HIVEP3: variants seen among roughly 807,000 people sequenced by gnomAD.
HIVEP3 encodes transcription factor HIVEP3.
HIVEP3 carries 49 observed loss-of-function variants against 152.8 expected under a neutral mutation model. The observed-to-expected ratio is 0.32, with a 90% CI of 0.26 to 0.41. The LOEUF is 0.41. Among genes scored for constraint, HIVEP3 ranks in the 10% least tolerant of loss-of-function variants. The probability of loss-of-function intolerance (pLI) is 1.00; values close to 1 mark genes in which losing one functional copy is unlikely to be tolerated. For missense variants in HIVEP3, 2,790 were observed against 3,103.3 expected, an observed-to-expected ratio of 0.90 and a Z score of 2.40; for synonymous variants, 1,269 against 1,289.0, an observed-to-expected ratio of 0.98 and a Z score of 0.33.
intron 1 of HIVEP3, among the ~76,000 whole-genome samples, chr1:41,845,098 A>G (rs1300087906): frequency 4.6e-5 from 7 of 152,112 alleles, no homozygotes; most frequent in African/African-American, 1.7e-4. Flanking sequence ...CCCATTCTCT[A>G]TGTAGCCTCC....
chr1:41,789,265 G>T (rs1032498310), intron 1 of HIVEP3, among the ~76,000 whole-genome samples: 1 of 152,190 alleles, frequency 6.6e-6, no homozygotes, highest in Non-Finnish European at 1.5e-5. Flanking sequence ...ATGATTGTGG[G>T]CATGTTATGT....
chr1:41,660,186 T>G (rs1446536083), intron 2 of HIVEP3, among the ~76,000 whole-genome samples: 2 of 152,114 alleles, frequency 1.3e-5, no homozygotes, highest in Admixed American at 1.3e-4. Context: ...TGCACACACG[T>G]GTGTATGTGT....
rs528656865 is a variant in HIVEP3, at chr1:41,650,466, C to T, written c.-720-21519G>A. On this transcript the variant is annotated intron_variant, in intron 2 of 8. Coordinates refer to ENST00000372583, the MANE Select transcript of HIVEP3 (RefSeq NM_024503.5). ...GTCAGGCACTGTGTTAAATATTTGT[C>T]AAGTATTATAATCTCATCTAATCAT... is the stretch of plus-strand genomic sequence containing the variant. 2.0e-5 allele frequency among the ~76,000 whole-genome samples: 3 copies of T among 152,136 alleles called. No individual in the cohort carries two copies. In the East Asian group the frequency reaches 5.8e-4, roughly 29 times the overall value.
At chr1:41,983,580 T>C (rs1645306027) in intron 1 of HIVEP3, among the ~76,000 whole-genome samples, 1 of 151,848 alleles carries the variant, frequency 6.6e-6, no homozygotes. Flanking sequence ...CTAATAAAGG[T>C]GCAGCTGGGT....
At chr1:41,920,579 T>G (rs1374135432), upstream of HIVEP3, among the ~76,000 whole-genome samples, 1 of 55,888 alleles carries the variant, frequency 1.8e-5, no homozygotes, top group African/African-American at 1.2e-4. Flanking sequence ...ACAAGATGGT[T>G]TTTTTTTTTT....
At chr1:41,702,479 T>A (rs990022062) in intron 1 of HIVEP3, among the ~76,000 whole-genome samples, 2 of 152,244 alleles carry the variant, frequency 1.3e-5, no homozygotes, top group Admixed American at 6.5e-5. Context: ...TCTGAATTTG[T>A]TTCCCTGTAT....
At chr1:41,605,375 GCACACACA>G (rs57942643) in intron 3 of HIVEP3, among the ~76,000 whole-genome samples, 4 of 126,624 alleles carry the variant, frequency 3.2e-5, no homozygotes, top group South Asian at 2.4e-4. Context: ...ACGCACACGC[GCACACACA>G]CACACACACA....
intron 2 of HIVEP3, among the ~76,000 whole-genome samples, chr1:41,693,813 A>G (rs968233524): frequency 2.0e-5 from 3 of 152,070 alleles, no homozygotes; most frequent in Non-Finnish European, 2.9e-5. Context: ...TGGTGTAGGA[A>G]CTGAGGTAGG....
In HIVEP3 at chr1:41,510,766, G is replaced by A. The variant is rs1407668385; in HGVS notation, c.6906C>T (p.Pro2302=). Residue 2302 remains proline, a synonymous_variant, in exon 9 of 9, where the codon CCC becomes CCT. Coordinates refer to ENST00000372583, the MANE Select transcript of HIVEP3 (RefSeq NM_024503.5). ...TPHGTGAPAE[P]TPTHSPCTPP... is the part of the protein sequence containing the mutation. ...GGGTGCAGGGGCTGTGCGTGGGTGT[G>A]GGCTCTGCAGGTGCCCCGGTCCCAT... The A allele has an allele frequency of 6.3e-7, 1 of 1,599,322 alleles. No individual in the cohort carries two copies. The highest frequency in any genetic ancestry group is 8.5e-7 in the Non-Finnish European group (1 of 1,173,476).
rs753360867 is a variant in HIVEP3 at position 41,583,160 on chromosome 1, G to A, written c.1638C>T (p.Ala546=). Residue 546 remains alanine, a synonymous_variant, in exon 4 of 9, where the codon GCC becomes GCT. Coordinates refer to ENST00000372583, the MANE Select transcript of HIVEP3 (RefSeq NM_024503.5). The surrounding 1 kb of genome is among the most constrained non-coding windows in gnomAD (Gnocchi z 6.9). ...GGTGGGGGGTGCTGATAGTGCAGGCGGCAGAAGGCATTGAGTGGCTTCTCA... is the reference window on the plus strand; with the variant it reads ...GGTGGGGGGTGCTGATAGTGCAGGCAGCAGAAGGCATTGAGTGGCTTCTCA... ...PLLRSHSMPS[A]ACTISTPHHP... is the part of the protein sequence containing the mutation. 17 of 1,612,390 alleles carry A rather than the reference G, an allele frequency of 1.1e-5. No individual in the cohort carries two copies. Among genetic ancestry groups the A allele is most frequent in the Middle Eastern group, 1.6e-4 (1 of 6,080 alleles).
chr1:41,621,746 C>T (rs532988446), intron 3 of HIVEP3, among the ~76,000 whole-genome samples: 3 of 152,146 alleles, frequency 2.0e-5, no homozygotes, highest in Non-Finnish European at 4.4e-5. Flanking sequence ...TCAAACTCTC[C>T]GGCTCAGGTG....
chr1:41,743,450 G>GAATA, intron 1 of HIVEP3, among the ~76,000 whole-genome samples: 1 of 152,336 alleles, frequency 6.6e-6, no homozygotes, highest in Middle Eastern at 3.4e-3. Flanking sequence ...ATGAATGAAT[G>GAATA]TTACATGTTC....
At position 41,581,903 on chromosome 1, in the gene HIVEP3, G is replaced by C; in HGVS notation, c.2895C>G (p.Asp965Glu). 3 of 1,614,066 alleles carry C rather than the reference G, an allele frequency of 1.9e-6. No individual in the cohort carries two copies. Among genetic ancestry groups the C allele is most frequent in the Non-Finnish European group, 2.5e-6 (3 of 1,179,958 alleles). Reference protein sequence around the residue: ...GKAEAPSPSSDMRPKPLGTHM... With the variant: ...GKAEAPSPSSEMRPKPLGTHM... ...GGGTGCCCAGGGGTTTGGGGCGCAT[G>C]TCAGATGAGGGACTGGGGGCCTCGG... The change falls in exon 4 of 9, where the codon GAC becomes GAG. Residue 965 changes from aspartate (D) to glutamate (E), a missense_variant. Physicochemically the swap from Asp to Glu is conservative, Grantham distance 45. Transcript: ENST00000372583. The surrounding 1 kb of genome is among the most constrained non-coding windows in gnomAD (Gnocchi z 4.5).
intron 1 of HIVEP3, among the ~76,000 whole-genome samples, chr1:41,791,166 G>A (rs1261853014): frequency 5.6e-5 from 6 of 106,738 alleles, no homozygotes; most frequent in African/African-American, 1.8e-4. Flanking sequence ...ACACACACAC[G>A]AGTCTACACT....
intron 1 of HIVEP3, among the ~76,000 whole-genome samples, chr1:42,032,683 G>A (rs2124541737): frequency 6.6e-6 from 1 of 151,912 alleles, no homozygotes; most frequent in South Asian, 2.1e-4. Flanking sequence ...ATGTCATCTT[G>A]TTCCTCCTCT....
intron 2 of HIVEP3, among the ~76,000 whole-genome samples, chr1:41,642,545 G>C (rs184003364): frequency 9.2e-5 from 14 of 152,222 alleles, no homozygotes; most frequent in Non-Finnish European, 1.8e-4. Flanking sequence ...TCTCTTTGTC[G>C]TGGTGTTTAC....
intron 1 of HIVEP3, among the ~76,000 whole-genome samples, chr1:41,947,712 C>T (rs187373768): frequency 2.7e-4 from 41 of 152,310 alleles, no homozygotes; most frequent in African/African-American, 9.4e-4. Context: ...TCTAGGAGTC[C>T]TTACACAGGT....
At chr1:41,776,961 A>T (rs984346381) in intron 1 of HIVEP3, among the ~76,000 whole-genome samples, 3 of 152,198 alleles carry the variant, frequency 2.0e-5, no homozygotes, top group Non-Finnish European at 4.4e-5. Flanking sequence ...AGGAGAGGTT[A>T]AGCAACCTGC....
intron 2 of HIVEP3, among the ~76,000 whole-genome samples, chr1:41,638,256 G>GAAAAAGAAAGAAAGAA (rs1553241159): frequency 5.0e-5 from 6 of 120,884 alleles, no homozygotes; most frequent in Admixed American, 1.6e-4. Context: ...AAGAAAGAGA[G>GAAAAAGAAAGAAAGAA]AGAAAGAAAG....
Sources: gnomAD v4.1 joint callset for allele counts (sites outside exome capture counted in the v4.1 genomes callset) on GRCh38, gnomAD v4.1.1 for gene constraint, Gnocchi (gnomAD v3.1) non-coding constraint, MANE v1.5 for transcripts, NCBI Gene and HGNC (gene_info 2026-07-23, HGNC 2026-07-21) for gene names.